The following BRINP3 variants were observed in gnomAD, a reference collection of about 807,000 sequenced individuals.
BRINP3 encodes the protein BMP/retinoic acid-inducible neural-specific protein 3.
BRINP3 carries 19 observed loss-of-function variants against 71.0 expected under a neutral mutation model. The ratio of observed to expected loss-of-function variants is 0.27; its 90% CI spans 0.19 to 0.39. The LOEUF (loss-of-function observed/expected upper bound fraction) is 0.39, where lower values mean the gene tolerates loss of function less well. BRINP3 is among the 10% of genes least tolerant of loss of function. The probability of loss-of-function intolerance (pLI) is 1.00; values close to 1 mark genes in which losing one functional copy is unlikely to be tolerated. For missense variants in BRINP3, 959 were observed against 940.8 expected (o/e 1.02, Z -0.25); for synonymous variants, 380 against 337.7 (o/e 1.13, Z -1.37).
chr1:190,444,598 G>A (rs1305220718), intron 2 of BRINP3, among the ~76,000 whole-genome samples: 7 of 151,604 alleles, frequency 4.6e-5, no homozygotes, highest in Non-Finnish European at 8.8e-5. Flanking sequence ...TCAGTGGCTC[G>A]AACTCAGCTC....
At chr1:190,264,755 A>G in intron 4 of BRINP3, 110 bp downstream of exon 4, 1 of 774,822 alleles carries the variant, frequency 1.3e-6, no homozygotes, top group African/African-American at 1.8e-5. Flanking sequence ...ATATATTTTT[A>G]TAAAATAATT....
intron 2 of BRINP3, among the ~76,000 whole-genome samples, chr1:190,323,102 G>A (rs1666354443): frequency 6.6e-6 from 1 of 151,894 alleles, no homozygotes. Context: ...GGGTGTCTGG[G>A]TTCTCTACCA....
intron 7 of BRINP3, among the ~76,000 whole-genome samples, chr1:190,154,925 C>T (rs555586392): frequency 3.0e-4 from 45 of 152,176 alleles, no homozygotes; most frequent in Non-Finnish European, 6.0e-4. Context: ...AAAAATGAGG[C>T]TGTTGCTTCA....
intron 2 of BRINP3, among the ~76,000 whole-genome samples, chr1:190,395,590 T>C (rs1671514883): frequency 6.6e-6 from 1 of 151,772 alleles, no homozygotes; most frequent in South Asian, 2.1e-4. Context: ...ATGATTGGGT[T>C]ATATATATGA....
chr1:190,315,618 T>C (rs188529047), intron 2 of BRINP3, among the ~76,000 whole-genome samples: 1 of 152,230 alleles, frequency 6.6e-6, no homozygotes, highest in East Asian at 1.9e-4. Context: ...CTATCATCTG[T>C]CTGGGCTGGA....
At chr1:190,188,907 C>T (rs1653783066) in intron 6 of BRINP3, among the ~76,000 whole-genome samples, 1 of 151,992 alleles carries the variant, frequency 6.6e-6, no homozygotes. Flanking sequence ...ATTACAGGAG[C>T]TTCCCACAAT....
At chr1:190,463,363 T>C (rs1172955202) in intron 1 of BRINP3, among the ~76,000 whole-genome samples, 1 of 151,564 alleles carries the variant, frequency 6.6e-6, no homozygotes, top group African/African-American at 2.4e-5. Context: ...GACAAGGATA[T>C]AAGGATATGA....
At chr1:190,102,743 T>C (rs1333563010) in intron 7 of BRINP3, among the ~76,000 whole-genome samples, 1 of 152,050 alleles carries the variant, frequency 6.6e-6, no homozygotes, top group Non-Finnish European at 1.5e-5. Flanking sequence ...GCAATTGACA[T>C]GATAAATACC....
intron 2 of BRINP3, among the ~76,000 whole-genome samples, chr1:190,418,623 A>G (rs1392391415): frequency 6.6e-6 from 1 of 152,166 alleles, no homozygotes; most frequent in African/African-American, 2.4e-5. Context: ...TTTTAGGTAT[A>G]ATTTGTCCTG....
intron 2 of BRINP3, among the ~76,000 whole-genome samples, chr1:190,340,913 T>C (rs1370197631): frequency 6.6e-6 from 1 of 151,710 alleles, no homozygotes; most frequent in East Asian, 2.0e-4. Context: ...TCATTCTTTT[T>C]TTTTCCAAGA....
At chr1:190,212,531 T>C (rs1192072701) in intron 6 of BRINP3, among the ~76,000 whole-genome samples, 1 of 152,120 alleles carries the variant, frequency 6.6e-6, no homozygotes, top group Non-Finnish European at 1.5e-5. Context: ...GGATAGATGA[T>C]ACAGATTATG....
intron 2 of BRINP3, among the ~76,000 whole-genome samples, chr1:190,297,973 T>C (rs1664381710): frequency 6.6e-6 from 1 of 152,144 alleles, no homozygotes; most frequent in Admixed American, 6.5e-5. Context: ...TGAAATCATC[T>C]GGGCCTGAAG....
At chr1:190,435,341 G>A (rs955286351) in intron 2 of BRINP3, among the ~76,000 whole-genome samples, 7 of 152,022 alleles carry the variant, frequency 4.6e-5, no homozygotes, top group African/African-American at 1.4e-4. Context: ...TAAGAAGTTT[G>A]TGAATAGACA....
At chr1:190,276,127 T>A (rs1662531164) in intron 3 of BRINP3, among the ~76,000 whole-genome samples, 1 of 151,620 alleles carries the variant, frequency 6.6e-6, no homozygotes, top group Non-Finnish European at 1.5e-5. Context: ...TTCAAAAATA[T>A]TTATTTTTCT....
chr1:190,109,006 T>C (rs12407110), intron 7 of BRINP3, among the ~76,000 whole-genome samples: 7,714 of 152,232 alleles, frequency 0.051, 292 homozygotes, highest in South Asian at 0.16. Flanking sequence ...GTAAGTTTTT[T>C]CCTTAGTGTT....
rs2102739548 is a variant in BRINP3, at chr1:190,234,390, T to C, written c.706A>G (p.Asn236Asp). ...AACATACCTTGCAACTGAATCTTAT[T>C]CTCAGGACTCTGAACCAGAACAGAA... ...VSSVLVQSPE[N>D]KIQLQGLQVL... The change falls in exon 5 of 8, where the codon AAT (asparagine) becomes GAT (aspartate). Residue 236 changes from asparagine (N) to aspartate (D), a missense_variant. Transcript: ENST00000367462. 1 of 1,611,022 alleles carries C rather than the reference T, an allele frequency of 6.2e-7. No individual in the cohort carries two copies. The highest frequency in any genetic ancestry group is 2.2e-5 in the East Asian group (1 of 44,784).
chr1:190,418,430 A>G (rs977891998), intron 2 of BRINP3, among the ~76,000 whole-genome samples: 1 of 152,092 alleles, frequency 6.6e-6, no homozygotes, highest in African/African-American at 2.4e-5. Flanking sequence ...TTTCTATTCT[A>G]TTGTTTAAAA....
chr1:190,354,392 C>A (rs1668596320), intron 2 of BRINP3, among the ~76,000 whole-genome samples: 1 of 151,768 alleles, frequency 6.6e-6, no homozygotes, highest in Non-Finnish European at 1.5e-5. Flanking sequence ...TGTCATGGTG[C>A]AGGGGTTGAT....
chr1:190,399,758 T>G (rs1443661273), intron 2 of BRINP3, among the ~76,000 whole-genome samples: 1 of 152,072 alleles, frequency 6.6e-6, no homozygotes, highest in South Asian at 2.1e-4. Flanking sequence ...AATCTGAAAT[T>G]TAGTCTATTA....
Sources: allele counts gnomAD v4.1 joint callset (sites outside exome capture counted in the v4.1 genomes callset), GRCh38; gene constraint gnomAD v4.1.1; transcripts MANE v1.5; gene names NCBI Gene and HGNC (gene_info 2026-07-23, HGNC 2026-07-21).